Variants in CABLES1 observed in about 807,000 individuals in gnomAD.
The protein encoded by CABLES1 is Cdk5 and Abl enzyme substrate 1.
A neutral mutation model predicts 57.8 loss-of-function variants in CABLES1; 36 were observed. The ratio of observed to expected loss-of-function variants is 0.62; its 90% CI spans 0.48 to 0.82. The LOEUF is 0.82. CABLES1 is among the 40% of genes least tolerant of loss of function. CABLES1 has a pLI of 0.00. For missense variants in CABLES1, 767 were observed against 836.6 expected, an observed-to-expected ratio of 0.92 and a Z score of 1.03; for synonymous variants, 374 against 363.0, an observed-to-expected ratio of 1.03 and a Z score of -0.35.
intron 4 of CABLES1, among the ~76,000 whole-genome samples, chr18:23,229,263 TTACCCGGGTGTGGTGGCAGGCGCC>T (rs1178417266): frequency 6.6e-6 from 1 of 151,870 alleles, no homozygotes; most frequent in East Asian, 1.9e-4. Flanking sequence ...AATACAAAAA[TTACCCGGGTGTGGTGGCAGGCGCC>T]TGTAATCCCA....
upstream of CABLES1, among the ~76,000 whole-genome samples, chr18:23,135,275 C>T (rs1246268549): frequency 2.0e-5 from 3 of 152,294 alleles, no homozygotes; most frequent in East Asian, 5.8e-4. Context: ...GATCCCCCGC[C>T]CCACCACCCG....
intron 7 of CABLES1, among the ~76,000 whole-genome samples, chr18:23,247,248 T>C (rs2047919533): frequency 6.6e-6 from 1 of 152,202 alleles, no homozygotes; most frequent in South Asian, 2.1e-4. Flanking sequence ...TGCCGGAGAA[T>C]CATGACCTCC....
chr18:23,211,227 GGGAA>G (rs1273994307), intron 3 of CABLES1, among the ~76,000 whole-genome samples: 1 of 152,126 alleles, frequency 6.6e-6, no homozygotes, highest in African/African-American at 2.4e-5. Flanking sequence ...CTTAGTGTGT[GGGAA>G]GGAAGGACAC....
chr18:23,197,323 C>T (rs755617497), intron 3 of CABLES1: 9 of 152,202 alleles, frequency 5.9e-5, no homozygotes, highest in Non-Finnish European at 1.2e-4. Flanking sequence ...GACACTGGAC[C>T]ACAAATCCCA....
chr18:23,246,627 G>C (rs372445228), intron 7 of CABLES1, among the ~76,000 whole-genome samples: 7 of 151,360 alleles, frequency 4.6e-5, no homozygotes, highest in Admixed American at 6.6e-5. Flanking sequence ...TCCTGACCTT[G>C]TGATCCGCCC....
rs2048203749 is a variant in CABLES1 at position 23,257,822 on chromosome 18, CTATT to C, written c.*457_*460del. 1 of 154,188 alleles carries C rather than the reference CTATT, an allele frequency of 6.5e-6. No homozygotes were observed. The highest frequency in any genetic ancestry group is 2.4e-5 in the African/African-American group (1 of 41,390). The allele number at this position is 154,188 out of a possible 1,614,324, so 9.6% of individuals were successfully genotyped here. On this transcript the variant is annotated 3_prime_UTR_variant, in exon 10 of 10. Transcript: ENST00000256925. ...TCATTGTGTCAAAGAGTGTGCCAAT[CTATT>C]TTTGTATCAGCATTGGAAGTGCACT...
chr18:23,184,596 G>T (rs563609992), intron 1 of CABLES1, among the ~76,000 whole-genome samples: 2 of 152,066 alleles, frequency 1.3e-5, no homozygotes, highest in Non-Finnish European at 2.9e-5. Flanking sequence ...CCAGCTACTC[G>T]AGAGGCTGAG....
At chr18:23,244,746 G>A (rs530703780) in intron 7 of CABLES1, among the ~76,000 whole-genome samples, 12 of 152,292 alleles carry the variant, frequency 7.9e-5, no homozygotes, top group East Asian at 1.9e-4. Flanking sequence ...TTTCACAGGC[G>A]TGGTGTGGAA....
At chr18:23,191,906 T>TAAAAAAAAAAAAAAAAAAAAAAAAAAAAA (rs147984743) in intron 2 of CABLES1, among the ~76,000 whole-genome samples, 1 of 82,636 alleles carries the variant, frequency 1.2e-5, no homozygotes, top group South Asian at 4.9e-4. Context: ...GTTGAATGCT[T>TAAAAAAAAAAAAAAAAAAAAAAAAAAAAA]AAAAAAAAAA....
intron 4 of CABLES1, among the ~76,000 whole-genome samples, chr18:23,215,811 T>C (rs959543794): frequency 4.6e-5 from 7 of 151,990 alleles, no homozygotes; most frequent in Admixed American, 1.3e-4. Flanking sequence ...TGGAGTGCAG[T>C]GGTGCGATCT....
intron 7 of CABLES1, among the ~76,000 whole-genome samples, chr18:23,247,952 C>T (rs2047938747): frequency 1.3e-5 from 2 of 152,236 alleles, no homozygotes; most frequent in South Asian, 2.1e-4. Flanking sequence ...CTGCCCACTC[C>T]CTGCCAGGGC....
At chr18:23,173,578 A>G (rs1568053327) in intron 1 of CABLES1, among the ~76,000 whole-genome samples, 1 of 152,210 alleles carries the variant, frequency 6.6e-6, no homozygotes, top group Non-Finnish European at 1.5e-5. Flanking sequence ...ATTTTTTCCC[A>G]ACATATGTTT....
intron 4 of CABLES1, among the ~76,000 whole-genome samples, chr18:23,227,962 T>C (rs1404983665): frequency 2.0e-5 from 3 of 152,242 alleles, no homozygotes; most frequent in African/African-American, 7.2e-5. Context: ...TTCCAAGTTC[T>C]TGGGCTTAGA....
At chr18:23,156,009 T>TC (rs2046963165) in intron 1 of CABLES1, 21 of 1,599,548 alleles carry the variant, frequency 1.3e-5, no homozygotes, top group South Asian at 1.1e-4. Flanking sequence ...TTTTTTTGGC[T>TC]CCCCCCTTTG....
chr18:23,226,664 C>A (rs2047530197), intron 4 of CABLES1, among the ~76,000 whole-genome samples: 1 of 152,120 alleles, frequency 6.6e-6, no homozygotes, highest in South Asian at 2.1e-4. Flanking sequence ...AGAGCACGAC[C>A]CACTGGTGAG....
chr18:23,150,071 T>TTC (rs2046917067), intron 1 of CABLES1: 1 of 152,298 alleles, frequency 6.6e-6, no homozygotes, highest in Non-Finnish European at 1.5e-5. Context: ...TCTGGTGAAC[T>TTC]TCTAGGCTTG....
intron 1 of CABLES1, among the ~76,000 whole-genome samples, chr18:23,150,214 T>TG (rs1568043737): frequency 1.3e-4 from 18 of 143,294 alleles, no homozygotes; most frequent in South Asian, 6.9e-4. Context: ...TTTGTTTTTT[T>TG]TTTTTTTTTT....
intron 2 of CABLES1, among the ~76,000 whole-genome samples, chr18:23,191,744 A>T (rs570725921): frequency 6.6e-5 from 10 of 152,222 alleles, no homozygotes; most frequent in Admixed American, 3.3e-4. Flanking sequence ...TATGTTTTTA[A>T]ATGGATGTTT....
chr18:23,141,884 G>A (rs1308981190), intron 1 of CABLES1, among the ~76,000 whole-genome samples: 1 of 152,350 alleles, frequency 6.6e-6, no homozygotes, highest in East Asian at 1.9e-4. Flanking sequence ...AAAGATAGCG[G>A]TGAGGTGGCA....
Sources: gnomAD v4.1 joint callset for allele counts (sites outside exome capture counted in the v4.1 genomes callset) on GRCh38, gnomAD v4.1.1 for gene constraint, MANE v1.5 for transcripts, NCBI Gene and HGNC (gene_info 2026-07-23, HGNC 2026-07-21) for gene names.